Variants in ATXN10 observed in about 807,000 individuals in gnomAD.
ATXN10 encodes ataxin-10.
A neutral mutation model predicts 52.9 loss-of-function variants in ATXN10; 28 were observed. That is an observed-to-expected ratio of 0.53 (90% CI 0.39 to 0.73). The LOEUF (loss-of-function observed/expected upper bound fraction) is 0.73, where lower values mean the gene tolerates loss of function less well. Among genes scored for constraint, ATXN10 ranks in the 30% least tolerant of loss-of-function variants. The pLI, the probability that ATXN10 is intolerant of heterozygous loss-of-function variation, is 0.00. For missense variants in ATXN10, 565 were observed against 577.0 expected (o/e 0.98, Z 0.21); for synonymous variants, 226 against 221.5 (o/e 1.02, Z -0.18).
Position 45,702,783 on chromosome 22 carries a change from G to A in ATXN10, c.583G>A (p.Glu195Lys). The A allele has an allele frequency of 6.2e-7, 1 of 1,613,970 alleles. No homozygotes were observed. The highest frequency in any genetic ancestry group is 8.5e-7 in the Non-Finnish European group (1 of 1,179,972). The change falls in exon 5 of 12, where the codon GAG (glutamate) becomes AAG (lysine). Residue 195 changes from glutamate to lysine, a missense_variant. Physicochemically the swap from Glu to Lys is moderately conservative, Grantham distance 56. Coordinates refer to ENST00000252934, the MANE Select transcript of ATXN10 (RefSeq NM_013236.4). ...TCATGAAAGAATGAAAGAACTGGAG[G>A]AGAACCTCAATATTGCAATTGATGT... ...LNHERMKELE[E>K]NLNIAIDVID... is the part of the protein sequence containing the mutation.
intron 7 of ATXN10, among the ~76,000 whole-genome samples, chr22:45,735,812 CTTTTTTTT>C (rs746222703): frequency 5.8e-4 from 38 of 65,830 alleles, no homozygotes; most frequent in East Asian, 1.1e-3. Flanking sequence ...ATTTGCTTGT[CTTTTTTTT>C]TTTTTTTTTT....
rs546366287 is a variant in ATXN10 at position 45,780,219 on chromosome 22, G to C, written c.1174-26740G>C. Among the ~76,000 whole-genome samples, 8 of 152,154 alleles carry C rather than the reference G, an allele frequency of 5.3e-5. No homozygotes were observed. The highest frequency in any genetic ancestry group is 1.2e-4 in the Non-Finnish European group (8 of 68,030). On this transcript the variant is annotated intron_variant, in intron 9 of 11. Transcript: ENST00000252934. This position sits in a 1 kb window ranked among gnomAD's most constrained non-coding sequence, Gnocchi z 4.0. Reference sequence around the variant, plus strand: ...CTGCTTCAGCCTCCTGAGTAGCTGGGATTACAGGCGTGTGCCACCACGCCC... The same window carrying C: ...CTGCTTCAGCCTCCTGAGTAGCTGGCATTACAGGCGTGTGCCACCACGCCC...
rs1476501504 is a variant in ATXN10 at position 45,786,710 on chromosome 22, T to A, written c.1174-20249T>A. 6.6e-6 allele frequency among the ~76,000 whole-genome samples: 1 copy of A among 152,220 alleles called. No individual in the cohort carries two copies. Among genetic ancestry groups the A allele is most frequent in the Non-Finnish European group, 1.5e-5 (1 of 68,038 alleles). The stretch of plus-strand genomic sequence containing the variant: ...TGGAGGAATGCTCAGCCTTCCTTTA[T>A]GGCAAAGGAAAGCCCCAAAGAACAT... On this transcript the variant is annotated intron_variant, in intron 9 of 11. Coordinates refer to ENST00000252934, the MANE Select transcript of ATXN10 (RefSeq NM_013236.4). The surrounding 1 kb of genome is among the most constrained non-coding windows in gnomAD (Gnocchi z 4.1).
intron 9 of ATXN10, among the ~76,000 whole-genome samples, chr22:45,741,767 T>C (rs138172): frequency 1.2e-4 from 19 of 152,270 alleles, no homozygotes; most frequent in African/African-American, 4.6e-4. Context: ...CTTCTTCAAA[T>C]AGCAATTATA....
Position 45,672,127 on chromosome 22 carries a change from G to A in ATXN10, c.64G>A (p.Asp22Asn). 6.5e-7 allele frequency: 1 copy of A among 1,540,572 alleles called. No homozygotes were observed. Among genetic ancestry groups the A allele is most frequent in the African/African-American group, 1.4e-5 (1 of 72,974 alleles). ...SGVMVPAPIQDLEALRALTAL... is the reference protein window; with the variant it reads ...SGVMVPAPIQNLEALRALTAL... ...CGTCATGGTGCCGGCGCCCATCCAA[G>A]ACCTGGAGGCCCTGCGCGCGCTCAC... The change falls in exon 1 of 12, where the codon GAC becomes AAC. Residue 22 changes from aspartate (D) to asparagine (N), a missense_variant. Asp to Asn is a conservative substitution (Grantham distance 23). Coordinates refer to ENST00000252934, the MANE Select transcript of ATXN10 (RefSeq NM_013236.4).
At chr22:45,782,984 G>C (rs888231730) in intron 9 of ATXN10, among the ~76,000 whole-genome samples, 2 of 152,162 alleles carry the variant, frequency 1.3e-5, no homozygotes, top group Non-Finnish European at 2.9e-5. Context: ...ACAATAGATT[G>C]CTTACAATTT....
In ATXN10 at chr22:45,781,231, C is replaced by CTAGG. The variant is rs1484026838; in HGVS notation, c.1174-25726_1174-25723dup. ...TATAATGAGGCACCCCTCACCCCTG[C>CTAGG]TAGGTGGTGTCAGAGAAGATGGAGC... On this transcript the variant is annotated intron_variant, in intron 9 of 11. Transcript: ENST00000252934. The surrounding 1 kb of genome is among the most constrained non-coding windows in gnomAD (Gnocchi z 4.2). Among the ~76,000 whole-genome samples the CTAGG allele has an allele frequency of 6.6e-6, 1 of 152,110 alleles. No individual in the cohort carries two copies. Among genetic ancestry groups the CTAGG allele is most frequent in the Non-Finnish European group, 1.5e-5 (1 of 67,988 alleles).
intron 9 of ATXN10, among the ~76,000 whole-genome samples, chr22:45,756,646 C>T (rs1926183303): frequency 6.6e-6 from 1 of 152,068 alleles, no homozygotes. Context: ...CTGAAACTGC[C>T]CTTCAGAGTT....
intron 7 of ATXN10, chr22:45,734,424 G>A (rs561473494): frequency 1.1e-4 from 27 of 251,600 alleles, no homozygotes; most frequent in East Asian, 9.4e-4. Flanking sequence ...TATTGTTTAC[G>A]TAATTTTTGT....
chr22:45,748,465 T>C (rs555529922), intron 9 of ATXN10, among the ~76,000 whole-genome samples: 36 of 152,216 alleles, frequency 2.4e-4, no homozygotes, highest in Non-Finnish European at 4.8e-4. Flanking sequence ...GAACTTTCTT[T>C]AGGATGAGAG....
intron 5 of ATXN10, among the ~76,000 whole-genome samples, chr22:45,707,274 G>A (rs964413238): frequency 6.6e-6 from 1 of 152,078 alleles, no homozygotes; most frequent in Non-Finnish European, 1.5e-5. Flanking sequence ...TGAGGTATGA[G>A]CTTTTTCAAT....
rs117052171 is a variant in ATXN10 at position 45,789,272 on chromosome 22, G to A, written c.1174-17687G>A. Among the ~76,000 whole-genome samples the A allele has an allele frequency of 2.0e-3, 304 of 152,306 alleles. 6 individuals carry two copies. The East Asian group carries it at 0.038, about 19-fold the overall frequency. ...TTTTTAGTTATTAATTTACTCACCT[G>A]CCTCCCCCTGGCTAAGTTTCATTCA... On this transcript the variant is annotated intron_variant, in intron 9 of 11. Coordinates refer to ENST00000252934, the MANE Select transcript of ATXN10 (RefSeq NM_013236.4). This position sits in a 1 kb window ranked among gnomAD's most constrained non-coding sequence, Gnocchi z 4.0.
intron 9 of ATXN10, among the ~76,000 whole-genome samples, chr22:45,749,322 T>C (rs1000971656): frequency 2.6e-5 from 4 of 152,172 alleles, no homozygotes; most frequent in Admixed American, 2.0e-4. Flanking sequence ...CTTGGAGCGA[T>C]AGCAGGCCAA....
At position 45,718,558 on chromosome 22, in the gene ATXN10, A is replaced by G; in HGVS notation, c.728+65A>G. The G allele has an allele frequency of 1.5e-6, 2 of 1,358,502 alleles. No homozygotes were observed. The highest frequency in any genetic ancestry group is 2.1e-6 in the Non-Finnish European group (2 of 947,384). The allele number at this position is 1,358,502 out of a possible 1,614,324, so 84.2% of individuals were successfully genotyped here. On this transcript the variant is annotated intron_variant, in intron 6 of 11. Coordinates refer to ENST00000252934, the MANE Select transcript of ATXN10 (RefSeq NM_013236.4). This position sits in a 1 kb window ranked among gnomAD's most constrained non-coding sequence, Gnocchi z 4.4. ...CCATATAGGGTATTCGATGCACGTG[A>G]CTGAAAAGCTGTGTGGTTTCTGAGT...
chr22:45,771,788 A>G (rs1267304674), intron 9 of ATXN10, among the ~76,000 whole-genome samples: 1 of 151,518 alleles, frequency 6.6e-6, no homozygotes, highest in African/African-American at 2.4e-5. Context: ...TTCTGTCTTA[A>G]TTTTTATTTT....
Position 45,733,994 on chromosome 22 carries a change from AG to A in ATXN10, c.894+4405del, listed in dbSNP as rs1925189157. On this transcript the variant is annotated intron_variant, in intron 7 of 11. Coordinates refer to ENST00000252934, the MANE Select transcript of ATXN10 (RefSeq NM_013236.4). The surrounding 1 kb of genome is among the most constrained non-coding windows in gnomAD (Gnocchi z 4.4). ...TGTATATTCATTGTATGTTTTTAAT[AG>A]TTGAATAATATTTAACTATATAGAC... 6.6e-6 allele frequency among the ~76,000 whole-genome samples: 1 copy of A among 152,110 alleles called. No homozygotes were observed. The highest frequency in any genetic ancestry group is 1.5e-5 in the Non-Finnish European group (1 of 68,022).
chr22:45,741,198 C>G (rs948349293), intron 9 of ATXN10, among the ~76,000 whole-genome samples: 1 of 152,162 alleles, frequency 6.6e-6, no homozygotes, highest in Admixed American at 6.5e-5. Flanking sequence ...TTATATTTTT[C>G]TAAGATGGTG....
intron 6 of ATXN10, among the ~76,000 whole-genome samples, chr22:45,722,205 A>G (rs1284426735): frequency 6.6e-6 from 1 of 152,200 alleles, no homozygotes; most frequent in African/African-American, 2.4e-5. Context: ...CTACTTTTGC[A>G]TCCTTCACAC....
Position 45,780,143 on chromosome 22 carries a change from G to A in ATXN10, c.1174-26816G>A, listed in dbSNP as rs1411167893. ...GTGTCACCCAGGCTGGAGTGCAGTG[G>A]CACGATCTTGGTTCACTGCAACCTC... On this transcript the variant is annotated intron_variant, in intron 9 of 11. Transcript: ENST00000252934. The surrounding 1 kb of genome is among the most constrained non-coding windows in gnomAD (Gnocchi z 4.0). 1.3e-5 allele frequency among the ~76,000 whole-genome samples: 2 copies of A among 151,526 alleles called. No homozygotes were observed. Among genetic ancestry groups the A allele is most frequent in the Non-Finnish European group, 2.9e-5 (2 of 67,974 alleles).
Sources: allele counts gnomAD v4.1 joint callset (sites outside exome capture counted in the v4.1 genomes callset), GRCh38; gene constraint gnomAD v4.1.1; non-coding constraint Gnocchi (gnomAD v3.1); transcripts MANE v1.5; gene names NCBI Gene and HGNC (gene_info 2026-07-23, HGNC 2026-07-21).